The following TMC1 variants were observed in gnomAD, a reference collection of about 807,000 sequenced individuals.
TMC1 encodes transmembrane channel like 1, also known as transmembrane channel-like protein 1.
Under a neutral mutation model 105.8 loss-of-function variants are expected in TMC1, and 84 were observed. The ratio of observed to expected loss-of-function variants is 0.79; its 90% CI spans 0.67 to 0.95. TMC1 has a LOEUF of 0.95. TMC1 is among the 40% of genes least tolerant of loss of function. The pLI, the probability that TMC1 is intolerant of heterozygous loss-of-function variation, is 0.00. For missense variants in TMC1, 817 were observed against 914.1 expected (o/e 0.89, Z 1.37); for synonymous variants, 315 against 311.5 (o/e 1.01, Z -0.12).
At chr9:72,809,381 G>A (rs780565662) in intron 18 of TMC1, among the ~76,000 whole-genome samples, 2 of 152,150 alleles carry the variant, frequency 1.3e-5, no homozygotes, top group Non-Finnish European at 2.9e-5. Flanking sequence ...TTTCTCCCAC[G>A]TTACCTTTGG....
chr9:72,676,710 A>G (rs958758840), intron 5 of TMC1, among the ~76,000 whole-genome samples: 3 of 152,110 alleles, frequency 2.0e-5, no homozygotes, highest in African/African-American at 7.2e-5. Context: ...GATGAATGCA[A>G]TCATCTCAGG....
chr9:72,712,652 T>C (rs1239887569), intron 8 of TMC1, among the ~76,000 whole-genome samples: 8 of 152,194 alleles, frequency 5.3e-5, no homozygotes. Flanking sequence ...GCTAATCAGC[T>C]TAAGGAGATT....
In TMC1 at chr9:72,830,677, G is replaced by A. The variant is rs191912512; in HGVS notation, c.2255G>A (p.Arg752Gln). 22 of 1,612,528 alleles carry A rather than the reference G, an allele frequency of 1.4e-5. No homozygotes were observed. In the East Asian group the frequency reaches 3.1e-4, roughly 23 times the overall value. Residue 752 changes from arginine (R) to glutamine (Q), a missense_variant, in exon 23 of 24, where the codon CGA (arginine) becomes CAA (glutamine). Coordinates refer to ENST00000297784, the MANE Select transcript of TMC1 (RefSeq NM_138691.3). ...CGAAACAAGAAAATGGCAGCTGCAC[G>A]AGCAGGTTGGAGATACGTTTATGTT... The part of the protein sequence containing the change: ...KMRNKKMAAA[R>Q]AAAAAGRQ
At chr9:72,638,738 G>A (rs1352945752) in intron 4 of TMC1, among the ~76,000 whole-genome samples, 2 of 152,164 alleles carry the variant, frequency 1.3e-5, no homozygotes, top group Non-Finnish European at 2.9e-5. Context: ...CATGGAGAGG[G>A]CTAGTGATGA....
At chr9:72,646,604 A>G (rs1825714344) in intron 4 of TMC1, among the ~76,000 whole-genome samples, 1 of 151,462 alleles carries the variant, frequency 6.6e-6, no homozygotes, top group African/African-American at 2.4e-5. Context: ...TTATTGGGTT[A>G]TGGGCCATTT....
intron 4 of TMC1, among the ~76,000 whole-genome samples, chr9:72,638,285 A>G (rs767722856): frequency 2.6e-5 from 4 of 152,112 alleles, no homozygotes; most frequent in Admixed American, 6.5e-5. Context: ...ACACACTACA[A>G]TGTGTGCATT....
intron 5 of TMC1, among the ~76,000 whole-genome samples, chr9:72,656,595 T>C (rs1825888510): frequency 6.6e-6 from 1 of 152,238 alleles, no homozygotes; most frequent in African/African-American, 2.4e-5. Flanking sequence ...TATATCTGTT[T>C]CTATTGATTG....
intron 18 of TMC1, among the ~76,000 whole-genome samples, chr9:72,813,100 C>T (rs1031110033): frequency 6.6e-6 from 1 of 152,172 alleles, no homozygotes; most frequent in Non-Finnish European, 1.5e-5. Flanking sequence ...GAGTTTATTA[C>T]ACTTAGCTCA....
chr9:72,708,459 T>A (rs996768524), intron 8 of TMC1, among the ~76,000 whole-genome samples: 1 of 152,216 alleles, frequency 6.6e-6, no homozygotes, highest in African/African-American at 2.4e-5. Flanking sequence ...TTTTGTAGTT[T>A]TCCTTGTAGA....
chr9:72,545,329 T>TA (rs1165749060), intron 1 of TMC1, among the ~76,000 whole-genome samples: 6 of 122,766 alleles, frequency 4.9e-5, no homozygotes, highest in African/African-American at 1.0e-4. Context: ...TATGTTTTTT[T>TA]TAAAAAAAAA....
At chr9:72,686,720 G>A (rs1213077023) in intron 5 of TMC1, among the ~76,000 whole-genome samples, 2 of 152,116 alleles carry the variant, frequency 1.3e-5, no homozygotes, top group African/African-American at 4.8e-5. Context: ...AGCAAAGAAG[G>A]CACCTAAGGA....
intron 1 of TMC1, among the ~76,000 whole-genome samples, chr9:72,547,651 T>C (rs1314509604): frequency 6.6e-6 from 1 of 152,152 alleles, no homozygotes; most frequent in African/African-American, 2.4e-5. Flanking sequence ...AAAATGAACA[T>C]ACTTAAGGAC....
chr9:72,710,688 C>T (rs1826820327), intron 8 of TMC1, among the ~76,000 whole-genome samples: 2 of 147,914 alleles, frequency 1.4e-5, no homozygotes, highest in African/African-American at 5.0e-5. Flanking sequence ...TGTCCATTTG[C>T]ATGGAATGTA....
At chr9:72,650,445 A>G (rs1354253316) in intron 5 of TMC1, among the ~76,000 whole-genome samples, 1 of 152,116 alleles carries the variant, frequency 6.6e-6, no homozygotes, top group Non-Finnish European at 1.5e-5. Flanking sequence ...AAGATAAGTG[A>G]TGCCTTACTA....
At chr9:72,723,504 A>G (rs1827065736) in intron 8 of TMC1, among the ~76,000 whole-genome samples, 1 of 152,184 alleles carries the variant, frequency 6.6e-6, no homozygotes, top group Non-Finnish European at 1.5e-5. Context: ...TATTTCTATT[A>G]AACAAGAACA....
chr9:72,586,024 G>A lies in TMC1; in HGVS notation c.-306+8001G>A, dbSNP rs529832260. Among the ~76,000 whole-genome samples, 12 of 152,306 alleles carry A rather than the reference G, an allele frequency of 7.9e-5. 1 individual carries two copies. Among genetic ancestry groups the A allele is most frequent in the Middle Eastern group, 3.4e-3 (1 of 294 alleles). On this transcript the variant is annotated intron_variant, in intron 2 of 23. Coordinates refer to ENST00000297784, the MANE Select transcript of TMC1 (RefSeq NM_138691.3). Reference sequence around the variant, plus strand: ...AGATTTCACAACCAGCAGCTGCATCGAATCTCCCTGGATGTGTGCTTTTGG... The same window carrying A: ...AGATTTCACAACCAGCAGCTGCATCAAATCTCCCTGGATGTGTGCTTTTGG...
chr9:72,551,444 A>G (rs1823858850), intron 1 of TMC1, among the ~76,000 whole-genome samples: 1 of 152,240 alleles, frequency 6.6e-6, no homozygotes, highest in Non-Finnish European at 1.5e-5. Flanking sequence ...TAAGGGCACT[A>G]TGAGCCCATG....
intron 4 of TMC1, among the ~76,000 whole-genome samples, chr9:72,631,025 G>A (rs1000950991): frequency 9.2e-5 from 14 of 151,758 alleles, no homozygotes; most frequent in African/African-American, 2.9e-4. Context: ...ACACCATCAC[G>A]CCCGGCTAAT....
chr9:72,778,615 A>G (rs1449905131), intron 13 of TMC1, among the ~76,000 whole-genome samples: 1 of 152,172 alleles, frequency 6.6e-6, no homozygotes, highest in Non-Finnish European at 1.5e-5. Context: ...AGCACAGCCA[A>G]GGACACCCAT....
Sources: allele counts gnomAD v4.1 joint callset (sites outside exome capture counted in the v4.1 genomes callset), GRCh38; gene constraint gnomAD v4.1.1; transcripts MANE v1.5; gene names NCBI Gene and HGNC (gene_info 2026-07-23, HGNC 2026-07-21).